The following PTDSS1 variants were observed in gnomAD, a reference collection of about 807,000 sequenced individuals.
PTDSS1 encodes the protein phosphatidylserine synthase 1.
Under a neutral mutation model 70.5 loss-of-function variants are expected in PTDSS1, and 45 were observed. The observed-to-expected ratio is 0.64, with a 90% CI of 0.50 to 0.82. The LOEUF (loss-of-function observed/expected upper bound fraction) is 0.82. PTDSS1 is among the 40% of genes least tolerant of loss of function. PTDSS1 has a pLI of 0.00. For synonymous variants in PTDSS1, 188 were observed against 203.8 expected (o/e 0.92, Z 0.66); for missense variants, 417 against 586.1 (o/e 0.71, Z 2.98).
intron 12 of PTDSS1, among the ~76,000 whole-genome samples, chr8:96,332,624 A>G (rs575835390): frequency 1.6e-4 from 24 of 152,372 alleles, no homozygotes; most frequent in Admixed American, 1.0e-3. Flanking sequence ...CTTGGCACTT[A>G]CAGGTTCTCC....
intron 1 of PTDSS1, among the ~76,000 whole-genome samples, chr8:96,267,763 C>A (rs1810508769): frequency 6.6e-6 from 1 of 152,042 alleles, no homozygotes; most frequent in Non-Finnish European, 1.5e-5. Context: ...TACTTTCCCA[C>A]CTCTATCCCT....
At chr8:96,321,996 T>C (rs908786213) in intron 10 of PTDSS1, among the ~76,000 whole-genome samples, 2 of 152,158 alleles carry the variant, frequency 1.3e-5, no homozygotes, top group African/African-American at 4.8e-5. Flanking sequence ...CCTGTGCACC[T>C]CAAGTCTGAA....
intron 1 of PTDSS1, among the ~76,000 whole-genome samples, chr8:96,264,753 A>G (rs764296669): frequency 1.3e-5 from 2 of 152,186 alleles, no homozygotes; most frequent in Admixed American, 6.5e-5. Flanking sequence ...TATTCTGTCA[A>G]GGCAGTCAAT....
intron 10 of PTDSS1, 130 bp from the exon 11 acceptor site, chr8:96,330,083 C>G: frequency 2.4e-6 from 2 of 822,946 alleles, no homozygotes; most frequent in Non-Finnish European, 4.0e-6. Context: ...TCTGCCACGT[C>G]CAGCCGTTTT....
intron 1 of PTDSS1, among the ~76,000 whole-genome samples, chr8:96,267,908 C>G (rs1383146677): frequency 6.6e-6 from 1 of 152,218 alleles, no homozygotes; most frequent in Non-Finnish European, 1.5e-5. Flanking sequence ...CATGACACCA[C>G]CCTTGGCATC....
intron 5 of PTDSS1, among the ~76,000 whole-genome samples, chr8:96,298,551 GA>G (rs1482144822): frequency 1.3e-5 from 2 of 152,060 alleles, no homozygotes; most frequent in Middle Eastern, 3.2e-3. Context: ...CCCCTTCCTG[GA>G]ATGCCCGCAT....
chr8:96,329,619 G>A (rs914275326), intron 10 of PTDSS1, among the ~76,000 whole-genome samples: 1 of 152,118 alleles, frequency 6.6e-6, no homozygotes, highest in African/African-American at 2.4e-5. Context: ...GGCCTTAAGA[G>A]CATCTTTATT....
chr8:96,284,179 G>A (rs748856540), intron 3 of PTDSS1, 26 bp downstream of exon 3: 1 of 1,571,744 alleles, frequency 6.4e-7, no homozygotes, highest in Non-Finnish European at 8.7e-7. Flanking sequence ...CAATGTAAAA[G>A]GATGTTCTAT....
intron 6 of PTDSS1, among the ~76,000 whole-genome samples, chr8:96,302,641 G>A (rs769360345): frequency 6.6e-6 from 1 of 152,110 alleles, no homozygotes; most frequent in Non-Finnish European, 1.5e-5. Context: ...GAGTGCAGTG[G>A]CACAATCTTG....
At chr8:96,287,210 T>C (rs1563568238) in intron 4 of PTDSS1, 64 bp downstream of exon 4, 3 of 1,560,236 alleles carry the variant, frequency 1.9e-6, no homozygotes, top group African/African-American at 1.4e-5. Context: ...TAAGAGGTAA[T>C]AGACTTGACA....
chr8:96,333,366 T>C (rs1811545507), intron 12 of PTDSS1, 91 bp from the exon 13 acceptor site: 2 of 1,146,226 alleles, frequency 1.7e-6, no homozygotes, highest in Admixed American at 1.8e-5. Context: ...GGGAAGAACC[T>C]GTTCCCCGGC....
At chr8:96,316,638 A>G (rs1321569269) in intron 9 of PTDSS1, among the ~76,000 whole-genome samples, 2 of 152,172 alleles carry the variant, frequency 1.3e-5, no homozygotes, top group East Asian at 1.9e-4. Flanking sequence ...ATACCCATGT[A>G]GCATTCCTAC....
intron 7 of PTDSS1, among the ~76,000 whole-genome samples, chr8:96,306,080 C>T (rs1186464020): frequency 6.6e-6 from 1 of 152,198 alleles, no homozygotes; most frequent in Non-Finnish European, 1.5e-5. Context: ...TTCTGTGGCA[C>T]AGGTTTGCTT....
At chr8:96,302,489 A>G (rs1333222122) in intron 6 of PTDSS1, among the ~76,000 whole-genome samples, 2 of 152,204 alleles carry the variant, frequency 1.3e-5, no homozygotes, top group Non-Finnish European at 2.9e-5. Context: ...GAATGATGTG[A>G]TACTGAGGCT....
At chr8:96,323,675 G>A (rs1811402304) in intron 10 of PTDSS1, among the ~76,000 whole-genome samples, 4 of 152,276 alleles carry the variant, frequency 2.6e-5, no homozygotes, top group Non-Finnish European at 5.9e-5. Flanking sequence ...TAGAGCTCTG[G>A]GTCTGTGATG....
chr8:96,320,850 C>T (rs952924395), intron 10 of PTDSS1, among the ~76,000 whole-genome samples: 7 of 152,228 alleles, frequency 4.6e-5, no homozygotes, highest in Non-Finnish European at 7.3e-5. Flanking sequence ...CTGGATATCA[C>T]CTTCCGCTCT....
intron 9 of PTDSS1, among the ~76,000 whole-genome samples, chr8:96,313,290 G>A (rs1811238191): frequency 6.6e-6 from 1 of 152,192 alleles, no homozygotes; most frequent in African/African-American, 2.4e-5. Flanking sequence ...AGCAGAGAGA[G>A]GGCGCCATCC....
chr8:96,305,175 T>C (rs1811104903), intron 7 of PTDSS1, among the ~76,000 whole-genome samples: 1 of 152,210 alleles, frequency 6.6e-6, no homozygotes, highest in Non-Finnish European at 1.5e-5. Context: ...TGATTGGATG[T>C]GTCAAGGAGA....
At chr8:96,298,219 A>G (rs1811003017) in intron 5 of PTDSS1, among the ~76,000 whole-genome samples, 1 of 152,226 alleles carries the variant, frequency 6.6e-6, no homozygotes, top group African/African-American at 2.4e-5. Flanking sequence ...CACATGCAGC[A>G]GCTACTCTGT....
Sources: gnomAD v4.1 joint callset for allele counts (sites outside exome capture counted in the v4.1 genomes callset) on GRCh38, gnomAD v4.1.1 for gene constraint, MANE v1.5 for transcripts, NCBI Gene and HGNC (gene_info 2026-07-23, HGNC 2026-07-21) for gene names.